MON2: variants seen among roughly 807,000 people sequenced by gnomAD.
MON2 encodes the protein protein MON2 homolog.
In MON2, 84 loss-of-function variants were observed where a neutral mutation model predicts 208.6. That is an observed-to-expected ratio of 0.40 (90% CI 0.34 to 0.48). MON2 has a LOEUF of 0.48. Ranked by LOEUF, MON2 falls within the 20% of genes least tolerant of loss-of-function variation. The pLI is 0.59. For missense variants in MON2, 1,611 were observed against 2,015.4 expected (o/e 0.80, Z 3.84); for synonymous variants, 660 against 694.0 (o/e 0.95, Z 0.77).
Position 62,556,202 on chromosome 12 carries a change from C to G in MON2, c.3409+10C>G. On this transcript the variant is annotated intron_variant, in intron 25 of 34. Coordinates refer to ENST00000393630, the MANE Select transcript of MON2 (RefSeq NM_015026.3). The stretch of plus-strand genomic sequence containing the variant: ...TTGCTGCAGCCTTTAGGTATACGTA[C>G]ATTTTTTTCTGATTATACAAGTAAT... The G allele has an allele frequency of 6.2e-7, 1 of 1,611,152 alleles. No homozygotes were observed. Among genetic ancestry groups the G allele is most frequent in the Middle Eastern group, 1.7e-4 (1 of 6,050 alleles).
intron 25 of MON2, among the ~76,000 whole-genome samples, chr12:62,558,866 T>C (rs2136338073): frequency 6.6e-6 from 1 of 152,108 alleles, no homozygotes; most frequent in Non-Finnish European, 1.5e-5. Context: ...CCAGCTAATT[T>C]TTTGTATTTT....
At chr12:62,512,728 G>C (rs1232037050) in intron 8 of MON2, among the ~76,000 whole-genome samples, 1 of 152,238 alleles carries the variant, frequency 6.6e-6, no homozygotes, top group Non-Finnish European at 1.5e-5. Context: ...TAGGGACTCT[G>C]TGTGGGGGCT....
At chr12:62,520,103 C>T (rs2071937589) in intron 8 of MON2, among the ~76,000 whole-genome samples, 1 of 152,236 alleles carries the variant, frequency 6.6e-6, no homozygotes, top group African/African-American at 2.4e-5. Context: ...CGTGAGCCAC[C>T]ACACCCTGCC....
rs1457249410 is a variant in MON2, at chr12:62,595,772, C to G, written c.*3023C>G. 6.6e-6 allele frequency: 1 copy of G among 152,120 alleles called. No individual in the cohort carries two copies. Among genetic ancestry groups the G allele is most frequent in the African/African-American group, 2.4e-5 (1 of 41,428 alleles). 9.4% of individuals were successfully genotyped at this position (152,120 alleles called of 1,614,324 possible). On this transcript the variant is annotated 3_prime_UTR_variant, in exon 35 of 35. Transcript: ENST00000393630. ...ATTAGGAGCCTTTTAGGTTCCAAAA[C>G]AAACAAAAGGCATAAAAAAGTCTAG... is the stretch of plus-strand genomic sequence containing the variant.
chr12:62,560,557 A>G lies in MON2; in HGVS notation c.3476A>G (p.Asn1159Ser), dbSNP rs772137657. 110 of 1,613,956 alleles carry G rather than the reference A, an allele frequency of 6.8e-5. No homozygotes were observed. Among genetic ancestry groups the G allele is most frequent in the Non-Finnish European group, 8.7e-5 (103 of 1,180,006 alleles). Residue 1159 changes from asparagine to serine, a missense_variant, in exon 26 of 35, where the codon AAT (asparagine) becomes AGT (serine). By Grantham distance (46) the Asn-to-Ser change is conservative. Transcript: ENST00000393630. ...HIQSAALSKNNEVSLAALKSF... is the reference protein window; with the variant it reads ...HIQSAALSKNSEVSLAALKSF... ...CAGTCAGCAGCACTCAGCAAAAACA[A>G]TGAAGTATCTCTGGCTGCTCTGAAA...
chr12:62,468,666 A>G (rs74098033), intron 1 of MON2, among the ~76,000 whole-genome samples: 3,118 of 152,274 alleles, frequency 0.02, 109 homozygotes, highest in African/African-American at 0.072. Context: ...CACATAGTCA[A>G]TAGTCTGTTT....
intron 6 of MON2, among the ~76,000 whole-genome samples, chr12:62,501,179 T>A (rs529887953): frequency 6.6e-5 from 10 of 152,238 alleles, no homozygotes; most frequent in African/African-American, 2.2e-4. Flanking sequence ...AAGTAATAAA[T>A]TTGGTCTGTG....
At chr12:62,510,061 G>C (rs1409163047) in intron 8 of MON2, among the ~76,000 whole-genome samples, 12 of 151,924 alleles carry the variant, frequency 7.9e-5, no homozygotes, top group Admixed American at 7.9e-4. Flanking sequence ...GGATAACCTA[G>C]AAGAAATGAA....
At chr12:62,529,217 CT>C in intron 11 of MON2, among the ~76,000 whole-genome samples, 1 of 152,202 alleles carries the variant, frequency 6.6e-6, no homozygotes, top group South Asian at 2.1e-4. Context: ...TTTTTAAAAG[CT>C]CAAGAGTTGA....
At chr12:62,543,398 T>C (rs1473816367) in intron 20 of MON2, among the ~76,000 whole-genome samples, 200 bp downstream of exon 20, 1 of 152,184 alleles carries the variant, frequency 6.6e-6, no homozygotes, top group Non-Finnish European at 1.5e-5. Context: ...GTTGCTTTTA[T>C]TGGCTGAAAA....
intron 29 of MON2, among the ~76,000 whole-genome samples, chr12:62,567,164 T>C (rs1372489178): frequency 1.3e-5 from 2 of 152,242 alleles, no homozygotes; most frequent in Non-Finnish European, 2.9e-5. Context: ...AACCTTGTTC[T>C]TCCTCTAGCA....
At position 62,547,059 on chromosome 12, in the gene MON2, A is replaced by C; in HGVS notation, c.2740A>C (p.Arg914=). 1 of 1,576,284 alleles carries C rather than the reference A, an allele frequency of 6.3e-7. No homozygotes were observed. The highest frequency in any genetic ancestry group is 8.6e-7 in the Non-Finnish European group (1 of 1,160,436). ...AGTGCTTGGAGTCATGGGAGCAATC[A>C]GAAATGATCAAGGGTAAGTATTTAA... ...PLVLGVMGAI[R]NDQGESLIRT... The change falls in exon 22 of 35, where the codon AGA becomes CGA. Residue 914 remains arginine (R), a synonymous_variant. Transcript: ENST00000393630.
chr12:62,569,212 A>G (rs1052976970), intron 29 of MON2, among the ~76,000 whole-genome samples: 6 of 152,246 alleles, frequency 3.9e-5, no homozygotes, highest in African/African-American at 1.2e-4. Flanking sequence ...TAAAATATCA[A>G]TTGCAGTAGC....
chr12:62,580,511 TAAACTGGAG>T (rs2074965471), intron 32 of MON2, 91 bp downstream of exon 32: 1 of 1,122,186 alleles, frequency 8.9e-7, no homozygotes, highest in African/African-American at 1.6e-5. Flanking sequence ...TTTGGTAATG[TAAACTGGAG>T]AATGGTAAGG....
chr12:62,535,464 C>A, intron 13 of MON2, 61 bp from the exon 14 acceptor site: 4 of 1,231,912 alleles, frequency 3.2e-6, no homozygotes, highest in South Asian at 1.7e-5. Flanking sequence ...AATTCCACAT[C>A]ATGCTTTACA....
intron 32 of MON2, 84 bp from the exon 33 acceptor site, chr12:62,585,210 C>G (rs1467528904): frequency 4.8e-6 from 5 of 1,046,424 alleles, no homozygotes; most frequent in Non-Finnish European, 7.1e-6. Context: ...GAATTTCTCT[C>G]TATTCCTAGT....
chr12:62,592,646 C>A lies in MON2; in HGVS notation c.5051C>A (p.Thr1684Asn). The change falls in exon 35 of 35, where the codon ACC becomes AAC. Residue 1684 changes from threonine (T) to asparagine (N), a missense_variant. Thr to Asn is a moderately conservative substitution (Grantham distance 65). Coordinates refer to ENST00000393630, the MANE Select transcript of MON2 (RefSeq NM_015026.3). ...ALYPTLVECI[T>N]CSSSEVCSAL... ...TACCCAACTTTAGTAGAATGCATCA[C>A]CTGTTCTTCTTCAGAAGTCTGTTCT... The A allele has an allele frequency of 6.2e-7, 1 of 1,612,000 alleles. No individual in the cohort carries two copies. The highest frequency in any genetic ancestry group is 8.5e-7 in the Non-Finnish European group (1 of 1,178,394).
intron 1 of MON2, among the ~76,000 whole-genome samples, chr12:62,475,477 T>TA (rs746277298): frequency 1.6e-4 from 20 of 122,176 alleles, no homozygotes; most frequent in South Asian, 6.2e-4. Flanking sequence ...ACTCTATCTT[T>TA]AAAAAAAAAA....
chr12:62,562,814 T>G (rs1217360610), intron 26 of MON2, among the ~76,000 whole-genome samples: 2 of 152,196 alleles, frequency 1.3e-5, no homozygotes, highest in Non-Finnish European at 2.9e-5. Context: ...TTGTTCTTCC[T>G]CAGTGCTTTT....
Sources: gnomAD v4.1 joint callset for allele counts (sites outside exome capture counted in the v4.1 genomes callset) on GRCh38, gnomAD v4.1.1 for gene constraint, MANE v1.5 for transcripts, NCBI Gene and HGNC (gene_info 2026-07-23, HGNC 2026-07-21) for gene names.